Variants in SNX31 observed in about 807,000 individuals in gnomAD.
SNX31 encodes sorting nexin-31.
A neutral mutation model predicts 65.4 loss-of-function variants in SNX31; 58 were observed. The observed-to-expected ratio is 0.89, with a 90% CI of 0.72 to 1.10. The LOEUF is 1.10. SNX31 is among the 50% of genes least tolerant of loss of function. The pLI, the probability that SNX31 is intolerant of heterozygous loss-of-function variation, is 0.00. For missense variants in SNX31, 523 were observed against 529.7 expected (o/e 0.99, Z 0.12); for synonymous variants, 181 against 190.1 (o/e 0.95, Z 0.39).
At position 100,634,135 on chromosome 8, in the gene SNX31, T is replaced by A. The variant is rs560046917; in HGVS notation, c.256+1762A>T. Among the ~76,000 whole-genome samples, 4 of 152,316 alleles carry A rather than the reference T, an allele frequency of 2.6e-5. No individual in the cohort carries two copies. In the South Asian group the frequency reaches 8.3e-4, roughly 32 times the overall value. ...CCAGTTTTGCCATTTCCCCTCAACA[T>A]CCTCTTTTCCGTGACAGCCTAATCT... is the stretch of plus-strand genomic sequence containing the variant. On this transcript the variant is annotated intron_variant, in intron 3 of 13. Coordinates refer to ENST00000311812, the MANE Select transcript of SNX31 (RefSeq NM_152628.4).
In SNX31 at chr8:100,575,026, T is replaced by G. The variant is rs972009018; in HGVS notation, c.1228-1066A>C. Reference sequence around the variant, plus strand: ...AAGAGTAATTTGCCTTCAGTACTTATGAAATCTCAAAGACACGGTTATGGA... The same window carrying G: ...AAGAGTAATTTGCCTTCAGTACTTAGGAAATCTCAAAGACACGGTTATGGA... On this transcript the variant is annotated intron_variant, in intron 13 of 13. Coordinates refer to ENST00000311812, the MANE Select transcript of SNX31 (RefSeq NM_152628.4). This position sits in a 1 kb window ranked among gnomAD's most constrained non-coding sequence, Gnocchi z 5.1. Among the ~76,000 whole-genome samples the G allele has an allele frequency of 6.6e-6, 1 of 152,124 alleles. No homozygotes were observed. Among genetic ancestry groups the G allele is most frequent in the Non-Finnish European group, 1.5e-5 (1 of 68,020 alleles).
At chr8:100,616,883 T>C (rs1026155937) in intron 5 of SNX31, among the ~76,000 whole-genome samples, 2 of 152,198 alleles carry the variant, frequency 1.3e-5, no homozygotes, top group Admixed American at 1.3e-4. Flanking sequence ...TTTCTGACTC[T>C]TCTTCATGTT....
rs1289041026 is a variant in SNX31 at position 100,596,619 on chromosome 8, C to T, written c.978+20G>A. 6.2e-7 allele frequency: 1 copy of T among 1,609,830 alleles called. No homozygotes were observed. Among genetic ancestry groups the T allele is most frequent in the East Asian group, 2.2e-5 (1 of 44,874 alleles). On this transcript the variant is annotated intron_variant, in intron 10 of 13. Transcript: ENST00000311812. ...TAGGATTTTTAAGTCATGGGCAAAG[C>T]AAGGTGCCAAGATACTCACAAGGAA...
At position 100,612,369 on chromosome 8, in the gene SNX31, G is replaced by A. The variant is rs1265823971; in HGVS notation, c.524-282C>T. ...ACATCCAGCGCCTTCGCAGCTCACC[G>A]CAGGGCCTAGCAGCCAACCCTCTAC... is the stretch of plus-strand genomic sequence containing the variant. On this transcript the variant is annotated intron_variant, in intron 6 of 13. Transcript: ENST00000311812. The surrounding 1 kb of genome is among the most constrained non-coding windows in gnomAD (Gnocchi z 4.3). 4.6e-5 allele frequency among the ~76,000 whole-genome samples: 7 copies of A among 151,762 alleles called. No homozygotes were observed. The highest frequency in any genetic ancestry group is 6.6e-5 in the Admixed American group (1 of 15,240).
chr8:100,627,736 C>T (rs1346822628), intron 4 of SNX31, among the ~76,000 whole-genome samples: 1 of 152,032 alleles, frequency 6.6e-6, no homozygotes, highest in African/African-American at 2.4e-5. Flanking sequence ...GGGGTTTCAC[C>T]ACATTGGCCA....
chr8:100,641,404 T>A (rs1819164988), intron 2 of SNX31, among the ~76,000 whole-genome samples: 1 of 150,466 alleles, frequency 6.6e-6, no homozygotes, highest in South Asian at 2.1e-4. Context: ...CCAAGTGTGG[T>A]AGCATGTGCC....
chr8:100,577,825 G>A (rs1198081261), intron 12 of SNX31, among the ~76,000 whole-genome samples: 1 of 152,128 alleles, frequency 6.6e-6, no homozygotes, highest in African/African-American at 2.4e-5. Flanking sequence ...CAGCCCCAGA[G>A]ACCCAGCAGG....
intron 5 of SNX31, among the ~76,000 whole-genome samples, chr8:100,615,097 A>T (rs987240604): frequency 6.6e-6 from 1 of 152,204 alleles, no homozygotes; most frequent in Non-Finnish European, 1.5e-5. Context: ...TGACCACTTC[A>T]CCTGTTATGG....
chr8:100,617,770 T>C (rs777180934), intron 4 of SNX31, 40 bp from the exon 5 acceptor site: 6 of 1,292,440 alleles, frequency 4.6e-6, no homozygotes, highest in Non-Finnish European at 5.3e-6. Context: ...TCCACACCTT[T>C]TTTTTTTTTT....
upstream of SNX31, among the ~76,000 whole-genome samples, chr8:100,654,631 G>A (rs766859125): frequency 3.9e-5 from 6 of 152,258 alleles, no homozygotes; most frequent in Non-Finnish European, 5.9e-5. Flanking sequence ...GGGGACCTGG[G>A]AATGGGCTGC....
At chr8:100,637,517 C>A (rs1818861757) in intron 2 of SNX31, among the ~76,000 whole-genome samples, 1 of 152,172 alleles carries the variant, frequency 6.6e-6, no homozygotes, top group African/African-American at 2.4e-5. Context: ...CAGGCCCTAA[C>A]TTCAGAAAAG....
chr8:100,647,840 C>T (rs780436573), intron 2 of SNX31, among the ~76,000 whole-genome samples: 10 of 152,196 alleles, frequency 6.6e-5, no homozygotes, highest in Non-Finnish European at 1.2e-4. Flanking sequence ...GCCTAAGACA[C>T]TCATCCTTTC....
At chr8:100,654,402 A>G (rs1370459329), upstream of SNX31, among the ~76,000 whole-genome samples, 2 of 152,236 alleles carry the variant, frequency 1.3e-5, no homozygotes, top group Non-Finnish European at 2.9e-5. Context: ...TTGTAAGAGA[A>G]GAGTCAGGAT....
In SNX31 at chr8:100,578,655, G is replaced by A. The variant is rs778831908; in HGVS notation, c.1171-1580C>T. 1.3e-5 allele frequency among the ~76,000 whole-genome samples: 2 copies of A among 151,736 alleles called. No homozygotes were observed. The highest frequency in any genetic ancestry group is 2.9e-5 in the Non-Finnish European group (2 of 67,902). On this transcript the variant is annotated intron_variant, in intron 12 of 13. Transcript: ENST00000311812. This position sits in a 1 kb window ranked among gnomAD's most constrained non-coding sequence, Gnocchi z 4.7. The stretch of plus-strand genomic sequence containing the variant: ...TTAGGTTAGTATTCTTAATGGAAAT[G>A]TTCACATATTTAAGCCTATTTCAAT...
rs991085956 is a variant in SNX31 at position 100,612,695 on chromosome 8, G to A, written c.523+300C>T. On this transcript the variant is annotated intron_variant, in intron 6 of 13. Transcript: ENST00000311812. This position sits in a 1 kb window ranked among gnomAD's most constrained non-coding sequence, Gnocchi z 4.3. The stretch of plus-strand genomic sequence containing the variant: ...GTCTAGCACTCCATTCACAGGAAAC[G>A]GTGCAGGCGAGTGGTCAGTGGTCAG... Among the ~76,000 whole-genome samples, 1 of 152,206 alleles carries A rather than the reference G, an allele frequency of 6.6e-6. No individual in the cohort carries two copies. Among genetic ancestry groups the A allele is most frequent in the Non-Finnish European group, 1.5e-5 (1 of 68,040 alleles).
chr8:100,645,849 A>T (rs553562095), intron 2 of SNX31, among the ~76,000 whole-genome samples: 1 of 152,210 alleles, frequency 6.6e-6, no homozygotes. Context: ...GAGCTCAGGC[A>T]GTCCACCCAC....
In SNX31 at chr8:100,625,468, A is replaced by C. The variant is rs939472017; in HGVS notation, c.321+4859T>G. 6.6e-6 allele frequency among the ~76,000 whole-genome samples: 1 copy of C among 152,170 alleles called. No individual in the cohort carries two copies. Among genetic ancestry groups the C allele is most frequent in the Non-Finnish European group, 1.5e-5 (1 of 68,040 alleles). The stretch of plus-strand genomic sequence containing the variant: ...GCACACCGATCTCCTTGAAAAATTA[A>C]AAGATTTCTCCAGTTGTTAAATTCA... On this transcript the variant is annotated intron_variant, in intron 4 of 13. Coordinates refer to ENST00000311812, the MANE Select transcript of SNX31 (RefSeq NM_152628.4). The surrounding 1 kb of genome is among the most constrained non-coding windows in gnomAD (Gnocchi z 4.2).
In SNX31 at chr8:100,612,020, A is replaced by G. The variant is rs1223291678; in HGVS notation, c.591T>C (p.Cys197=). 6.2e-7 allele frequency: 1 copy of G among 1,613,972 alleles called. No individual in the cohort carries two copies. Among genetic ancestry groups the G allele is most frequent in the Non-Finnish European group, 8.5e-7 (1 of 1,179,974 alleles). ...VSLGSSEVEN[C]KVGLRKWYMA... Reference sequence around the variant, plus strand: ...CTTACCACTTTCGGAGTCCAACCTTACAGTTTTCCACCTCAGAACTTCCAA... The same window carrying G: ...CTTACCACTTTCGGAGTCCAACCTTGCAGTTTTCCACCTCAGAACTTCCAA... The change falls in exon 7 of 14, where the codon TGT becomes TGC. Residue 197 remains cysteine (C), a synonymous_variant. Coordinates refer to ENST00000311812, the MANE Select transcript of SNX31 (RefSeq NM_152628.4). This position sits in a 1 kb window ranked among gnomAD's most constrained non-coding sequence, Gnocchi z 4.3.
At chr8:100,616,253 C>T (rs1817191567) in intron 5 of SNX31, among the ~76,000 whole-genome samples, 2 of 152,162 alleles carry the variant, frequency 1.3e-5, no homozygotes, top group African/African-American at 2.4e-5. Flanking sequence ...CTATCACCAC[C>T]ACCACTGGCT....
Sources: allele counts gnomAD v4.1 joint callset (sites outside exome capture counted in the v4.1 genomes callset), GRCh38; gene constraint gnomAD v4.1.1; non-coding constraint Gnocchi (gnomAD v3.1); transcripts MANE v1.5; gene names NCBI Gene and HGNC (gene_info 2026-07-23, HGNC 2026-07-21).